The following ASIC2 variants were observed in gnomAD, a reference collection of about 807,000 sequenced individuals.
The protein encoded by ASIC2 is acid sensing ion channel subunit 2.
In ASIC2, 25 loss-of-function variants were observed where a neutral mutation model predicts 57.3. The ratio of observed to expected loss-of-function variants is 0.44; its 90% CI spans 0.32 to 0.61. ASIC2 has a LOEUF of 0.61. Among genes scored for constraint, ASIC2 ranks in the 20% least tolerant of loss-of-function variants. ASIC2 has a pLI of 0.06. For synonymous variants in ASIC2, 319 were observed against 307.5 expected, an observed-to-expected ratio of 1.04 and a Z score of -0.39; for missense variants, 641 against 738.1, an observed-to-expected ratio of 0.87 and a Z score of 1.52.
intron 1 of ASIC2, among the ~76,000 whole-genome samples, chr17:33,937,124 T>A (rs902700312): frequency 6.6e-6 from 1 of 152,162 alleles, no homozygotes; most frequent in Non-Finnish European, 1.5e-5. Context: ...TTTTTGGAGA[T>A]GAAGTCTCAC....
At chr17:34,084,824 C>T (rs1213379051) in intron 1 of ASIC2, among the ~76,000 whole-genome samples, 1 of 152,130 alleles carries the variant, frequency 6.6e-6, no homozygotes, top group African/African-American at 2.4e-5. Flanking sequence ...GGAGTTCACT[C>T]ATGATTTGGC....
chr17:33,581,715 C>T (rs957877350), intron 1 of ASIC2, among the ~76,000 whole-genome samples: 1 of 152,110 alleles, frequency 6.6e-6, no homozygotes, highest in Non-Finnish European at 1.5e-5. Flanking sequence ...TGGCCTGTGG[C>T]TAATTAAAGG....
At chr17:33,675,948 A>G (rs1198100720) in intron 1 of ASIC2, among the ~76,000 whole-genome samples, 1 of 152,192 alleles carries the variant, frequency 6.6e-6, no homozygotes, top group African/African-American at 2.4e-5. Flanking sequence ...ATTTGTGGCA[A>G]TCCAGCGTCA....
At chr17:33,502,014 C>T (rs1914114184) in intron 1 of ASIC2, among the ~76,000 whole-genome samples, 1 of 152,044 alleles carries the variant, frequency 6.6e-6, no homozygotes, top group African/African-American at 2.4e-5. Context: ...TTTGCAGACG[C>T]ATAAGAGTGC....
At chr17:33,548,606 A>T (rs1451603249) in intron 1 of ASIC2, among the ~76,000 whole-genome samples, 1 of 152,164 alleles carries the variant, frequency 6.6e-6, no homozygotes, top group African/African-American at 2.4e-5. Context: ...TCTACTCTCC[A>T]TTCACCATGG....
intron 1 of ASIC2, among the ~76,000 whole-genome samples, chr17:33,443,436 C>T (rs1242374671): frequency 1.6e-4 from 9 of 56,488 alleles, no homozygotes; most frequent in East Asian, 5.0e-4. Flanking sequence ...TTTTTTGAGA[C>T]GGAGTCTCGC....
intron 1 of ASIC2, among the ~76,000 whole-genome samples, chr17:34,147,647 A>G (rs934238246): frequency 1.3e-5 from 2 of 152,196 alleles, no homozygotes; most frequent in African/African-American, 2.4e-5. Flanking sequence ...AATATGATAT[A>G]TGGAGTTTCA....
intron 1 of ASIC2, among the ~76,000 whole-genome samples, chr17:33,196,103 A>G (rs960275192): frequency 1.4e-4 from 22 of 152,218 alleles, no homozygotes; most frequent in African/African-American, 4.8e-4. Context: ...CCTGGCACAG[A>G]GTGAGCCCTC....
rs551768402 is a variant in ASIC2, at chr17:33,354,864, T to A, written c.556-242797A>T. Among the ~76,000 whole-genome samples the A allele has an allele frequency of 2.5e-4, 38 of 152,256 alleles. 1 individual carries two copies. Among genetic ancestry groups the A allele is most frequent in the African/African-American group, 8.2e-4 (34 of 41,542 alleles). On this transcript the variant is annotated intron_variant, in intron 1 of 9. Coordinates refer to the ASIC2 transcript ENST00000359872. ...TTACCATTGCCCTCTCCCCTCTGCCTCTGTCCCCACACATGTGCACCTATT... is the reference window on the plus strand; with the variant it reads ...TTACCATTGCCCTCTCCCCTCTGCCACTGTCCCCACACATGTGCACCTATT...
At chr17:33,908,533 A>G (rs1460355002) in intron 1 of ASIC2, among the ~76,000 whole-genome samples, 1 of 152,218 alleles carries the variant, frequency 6.6e-6, no homozygotes, top group Admixed American at 6.5e-5. Flanking sequence ...CATTGATAAC[A>G]GCGTCTCAGT....
intron 3 of ASIC2, among the ~76,000 whole-genome samples, chr17:33,068,097 A>T (rs1039021535): frequency 3.3e-5 from 5 of 152,110 alleles, no homozygotes; most frequent in African/African-American, 1.2e-4. Context: ...GGCAGGGGAA[A>T]ACCTGGTAAG....
chr17:33,082,626 G>C (rs950692431), intron 3 of ASIC2, among the ~76,000 whole-genome samples: 6 of 152,048 alleles, frequency 3.9e-5, no homozygotes, highest in African/African-American at 1.4e-4. Flanking sequence ...TTGAACTCAG[G>C]AGGTGGAGGT....
intron 1 of ASIC2, among the ~76,000 whole-genome samples, chr17:33,691,867 CTT>C (rs1243877339): frequency 6.6e-6 from 1 of 151,960 alleles, no homozygotes; most frequent in Non-Finnish European, 1.5e-5. Flanking sequence ...CTACGGGTAA[CTT>C]AACAACAGGG....
At chr17:33,281,612 C>A (rs1172863305) in intron 1 of ASIC2, among the ~76,000 whole-genome samples, 1 of 152,212 alleles carries the variant, frequency 6.6e-6, no homozygotes, top group Non-Finnish European at 1.5e-5. Flanking sequence ...AAAGCTTATA[C>A]TAAAACATAT....
intron 1 of ASIC2, among the ~76,000 whole-genome samples, chr17:33,632,736 C>G (rs899977663): frequency 2.0e-5 from 3 of 152,130 alleles, no homozygotes; most frequent in Admixed American, 6.5e-5. Context: ...CTGGCCTGGT[C>G]CACCCTTTGA....
chr17:33,592,319 T>A (rs1284716394), intron 1 of ASIC2, among the ~76,000 whole-genome samples: 1 of 152,270 alleles, frequency 6.6e-6, no homozygotes, highest in Non-Finnish European at 1.5e-5. Context: ...ATGGTTAACT[T>A]AGTCTTAACC....
intron 1 of ASIC2, among the ~76,000 whole-genome samples, chr17:33,180,801 G>C (rs985999675): frequency 1.3e-5 from 2 of 152,060 alleles, no homozygotes; most frequent in African/African-American, 4.8e-5. Context: ...CATATCCGGA[G>C]CCTGTGTGTT....
chr17:33,955,790 G>C (rs533225482), intron 1 of ASIC2, among the ~76,000 whole-genome samples: 13 of 152,198 alleles, frequency 8.5e-5, no homozygotes, highest in African/African-American at 2.9e-4. Flanking sequence ...AATCCCAACT[G>C]CTTATGTTTT....
At chr17:33,421,076 AG>A (rs776571820) in intron 1 of ASIC2, among the ~76,000 whole-genome samples, 45 of 152,262 alleles carry the variant, frequency 3.0e-4, no homozygotes, top group Admixed American at 1.8e-3. Flanking sequence ...AGAACAAAAA[AG>A]GTCATGAGGA....
Sources: gnomAD v4.1 joint callset for allele counts (sites outside exome capture counted in the v4.1 genomes callset) on GRCh38, gnomAD v4.1.1 for gene constraint, MANE v1.5 for transcripts, NCBI Gene and HGNC (gene_info 2026-07-23, HGNC 2026-07-21) for gene names.